CEP63: variants seen among roughly 807,000 people sequenced by gnomAD.
CEP63 encodes centrosomal protein 63.
A neutral mutation model predicts 89.1 loss-of-function variants in CEP63; 84 were observed. The observed-to-expected ratio is 0.94, with a 90% CI of 0.79 to 1.13. CEP63 has a LOEUF of 1.13. Among genes scored for constraint, CEP63 ranks in the 50% most tolerant of loss-of-function variants. The pLI, the probability that CEP63 is intolerant of heterozygous loss-of-function variation, is 0.00. For synonymous variants in CEP63, 267 were observed against 272.5 expected, an observed-to-expected ratio of 0.98 and a Z score of 0.20; for missense variants, 838 against 813.3, an observed-to-expected ratio of 1.03 and a Z score of -0.37.
the CEP63 span, among the ~76,000 whole-genome samples, chr3:134,699,527 G>A: frequency 6.6e-6 from 1 of 152,220 alleles, no homozygotes; most frequent in South Asian, 2.1e-4. Context: ...AAGCATACAG[G>A]ACAGACTGTC....
the CEP63 span, among the ~76,000 whole-genome samples, chr3:134,771,797 T>TA: frequency 6.6e-6 from 1 of 151,928 alleles, no homozygotes; most frequent in African/African-American, 2.4e-5. Context: ...ATATTTTTTT[T>TA]AAAAAAGGAA....
the CEP63 span, among the ~76,000 whole-genome samples, chr3:134,765,136 C>A: frequency 1.3e-5 from 2 of 152,034 alleles, no homozygotes; most frequent in Admixed American, 1.3e-4. Flanking sequence ...CAGATGATGT[C>A]GATGTTGCTG....
chr3:134,574,251 G>A (rs1189488042), intron 11 of CEP63, among the ~76,000 whole-genome samples: 1 of 152,202 alleles, frequency 6.6e-6, no homozygotes, highest in African/African-American at 2.4e-5. Context: ...GAGAGATGGA[G>A]GAGCGGCTTC....
intron 6 of CEP63, among the ~76,000 whole-genome samples, chr3:134,538,535 A>ATATG (rs1951290298): frequency 7.3e-6 from 1 of 136,762 alleles, no homozygotes; most frequent in Non-Finnish European, 1.6e-5. Context: ...GTGTGTGTGT[A>ATATG]TATATATATA....
chr3:134,553,126 A>T (rs997833612), intron 12 of CEP63: 1 of 152,176 alleles, frequency 6.6e-6, no homozygotes, highest in Non-Finnish European at 1.5e-5. Context: ...ATTTCCAGAG[A>T]GTATTCCTCC....
chr3:134,549,002 TC>T, intron 9 of CEP63, 59 bp from the exon 10 acceptor site: 1 of 976,370 alleles, frequency 1.0e-6, no homozygotes, highest in Non-Finnish European at 1.7e-6. Context: ...AATTAGATAG[TC>T]CAATTTATAG....
the CEP63 span, among the ~76,000 whole-genome samples, chr3:134,723,410 A>G: frequency 6.6e-6 from 1 of 152,188 alleles, no homozygotes; most frequent in Non-Finnish European, 1.5e-5. Context: ...ACAAAGAAGG[A>G]TAAGAAATAC....
At chr3:134,510,760 C>G (rs192305496) in intron 3 of CEP63, 1 of 390,136 alleles carries the variant, frequency 2.6e-6, no homozygotes, top group African/African-American at 2.1e-5. Context: ...TGTGGAGATT[C>G]CTCTGCCTCT....
downstream of CEP63, among the ~76,000 whole-genome samples, chr3:134,568,234 T>C (rs1438960491): frequency 2.6e-5 from 4 of 152,176 alleles, no homozygotes; most frequent in Non-Finnish European, 5.9e-5. Context: ...GTGGGCCAGC[T>C]CTTGGATTTG....
At chr3:134,600,000 G>A in the CEP63 span, among the ~76,000 whole-genome samples, 42 of 152,226 alleles carry the variant, frequency 2.8e-4, no homozygotes, top group East Asian at 1.5e-3. Flanking sequence ...AACAGCCACC[G>A]GCCCACACAA....
intron 14 of CEP63, 121 bp from the exon 15 acceptor site, chr3:134,561,255 AG>A: frequency 9.5e-7 from 1 of 1,047,984 alleles, no homozygotes; most frequent in Non-Finnish European, 1.5e-6. Flanking sequence ...AAACCAAAAA[AG>A]TATCTTCAGA....
At chr3:134,609,464 T>C in the CEP63 span, among the ~76,000 whole-genome samples, 101 of 152,174 alleles carry the variant, frequency 6.6e-4, 1 homozygote, top group East Asian at 7.5e-3. Context: ...GCACATGGCT[T>C]GTATTTGTCC....
the CEP63 span, among the ~76,000 whole-genome samples, chr3:134,714,989 G>A: frequency 1.3e-5 from 2 of 152,196 alleles, no homozygotes; most frequent in Admixed American, 1.3e-4. Context: ...AACCCAGCTA[G>A]GGAGGCAGGC....
At chr3:134,511,659 T>C (rs1313186453) in intron 3 of CEP63, among the ~76,000 whole-genome samples, 1 of 152,120 alleles carries the variant, frequency 6.6e-6, no homozygotes, top group African/African-American at 2.4e-5. Flanking sequence ...GGAAACTTAA[T>C]CATGGCAGAA....
At chr3:134,491,951 T>C (rs1253513248) in intron 1 of CEP63, among the ~76,000 whole-genome samples, 2 of 152,192 alleles carry the variant, frequency 1.3e-5, no homozygotes, top group East Asian at 3.8e-4. Context: ...TACTATGATA[T>C]TTTTCCTGAT....
the CEP63 span, among the ~76,000 whole-genome samples, chr3:134,713,552 C>T: frequency 1.1e-4 from 16 of 152,328 alleles, no homozygotes; most frequent in East Asian, 7.7e-4. Context: ...TTGGATCCTA[C>T]ATGGCATCAT....
At chr3:134,629,987 A>G in the CEP63 span, among the ~76,000 whole-genome samples, 1 of 152,260 alleles carries the variant, frequency 6.6e-6, no homozygotes, top group Non-Finnish European at 1.5e-5. Context: ...AAAGTAAATA[A>G]TAGAATAACT....
chr3:134,520,202 A>G (rs1947142834), intron 3 of CEP63, among the ~76,000 whole-genome samples: 1 of 152,210 alleles, frequency 6.6e-6, no homozygotes, highest in African/African-American at 2.4e-5. Flanking sequence ...ATCTATGTAG[A>G]CAGAATTAAC....
At chr3:134,587,585 G>A (rs1240931418) in exon 11 of CEP63, among the ~76,000 whole-genome samples, 1 of 152,110 alleles carries the variant, frequency 6.6e-6, no homozygotes, top group East Asian at 1.9e-4. Flanking sequence ...TCCCAGAGGG[G>A]CACCTGCCTG....
Sources: gnomAD v4.1 joint callset for allele counts (sites outside exome capture counted in the v4.1 genomes callset) on GRCh38, gnomAD v4.1.1 for gene constraint, MANE v1.5 for transcripts, NCBI Gene and HGNC (gene_info 2026-07-23, HGNC 2026-07-21) for gene names.